Variants in MYOF observed in about 807,000 individuals in gnomAD.
MYOF encodes the protein myoferlin.
MYOF carries 244 observed loss-of-function variants against 284.2 expected under a neutral mutation model. The ratio of observed to expected loss-of-function variants is 0.86; its 90% confidence interval spans 0.77 to 0.95. MYOF has a LOEUF of 0.95. Ranked by LOEUF, MYOF falls within the 40% of genes least tolerant of loss-of-function variation. The pLI is 0.00. For missense variants in MYOF, 2,496 were observed against 2,560.6 expected, an observed-to-expected ratio of 0.97 and a Z score of 0.54; for synonymous variants, 904 against 919.7, an observed-to-expected ratio of 0.98 and a Z score of 0.31.
rs74868087 is a variant in MYOF at position 93,474,510 on chromosome 10, A to G, written c.88+7597T>C. Among the ~76,000 whole-genome samples the G allele has an allele frequency of 1.3e-3, 201 of 152,300 alleles. 2 individuals carry two copies. Among genetic ancestry groups the G allele is most frequent in the African/African-American group, 4.7e-3 (197 of 41,572 alleles). On this transcript the variant is annotated intron_variant, in intron 1 of 53. Transcript: ENST00000359263. ...ACTTTTCATGTCTATTCTGGTTTGC[A>G]TCTCATTCTTGTGTGCTAACTAGTC...
chr10:93,360,640 T>C (rs763576537), intron 28 of MYOF, among the ~76,000 whole-genome samples: 9 of 152,268 alleles, frequency 5.9e-5, no homozygotes, highest in Non-Finnish European at 1.3e-4. Context: ...ATTTTCTCTT[T>C]TGAGAATTCC....
chr10:93,416,667 G>A (rs1048849746), intron 5 of MYOF, among the ~76,000 whole-genome samples: 1 of 145,840 alleles, frequency 6.9e-6, no homozygotes, highest in Non-Finnish European at 1.5e-5. Flanking sequence ...GCATGACCTT[G>A]GCTCACTGCA....
At chr10:93,380,588 C>A (rs1024453171) in intron 20 of MYOF, among the ~76,000 whole-genome samples, 1 of 152,120 alleles carries the variant, frequency 6.6e-6, no homozygotes, top group Non-Finnish European at 1.5e-5. Flanking sequence ...ACTCTCAAAC[C>A]ATTTGTTGAC....
At chr10:93,467,290 A>G (rs1051932625) in intron 1 of MYOF, among the ~76,000 whole-genome samples, 4 of 148,948 alleles carry the variant, frequency 2.7e-5, no homozygotes, top group African/African-American at 7.4e-5. Flanking sequence ...AACATTAGGT[A>G]TATCTCCTAA....
chr10:93,383,501 A>C (rs1173874730), intron 19 of MYOF, among the ~76,000 whole-genome samples: 1 of 152,120 alleles, frequency 6.6e-6, no homozygotes, highest in South Asian at 2.1e-4. Context: ...TGTCACCTTG[A>C]TAAGGGAGGA....
Position 93,381,394 on chromosome 10 carries a change from T to C in MYOF, c.1701A>G (p.Lys567=), listed in dbSNP as rs749718563. 1 of 1,614,136 alleles carries C rather than the reference T, an allele frequency of 6.2e-7. No individual in the cohort carries two copies. Among genetic ancestry groups the C allele is most frequent in the Non-Finnish European group, 8.5e-7 (1 of 1,179,996 alleles). The stretch of plus-strand genomic sequence containing the variant: ...GGCTGTACTTCCGCCTTCGCTGGTA[T>C]TTCTATAAAGTATGAGCAGACATAA... The part of the protein sequence containing the change: ...ISNDDLLVVE[K]YQRRRKYSLS... The change falls in exon 20 of 54, where the codon AAA becomes AAG. Residue 567 remains lysine, a splice_region_variant and synonymous_variant. Transcript: ENST00000359263.
At chr10:93,411,934 T>C (rs1847917029) in intron 5 of MYOF, among the ~76,000 whole-genome samples, 1 of 152,218 alleles carries the variant, frequency 6.6e-6, no homozygotes, top group African/African-American at 2.4e-5. Context: ...TGTGGGCCCC[T>C]GTTTTTGTCT....
At position 93,354,703 on chromosome 10, in the gene MYOF, T is replaced by TCTCTCTCTCTCTCTCTCTCTCTC. The variant is rs1243618498; in HGVS notation, c.3404-816_3404-815insGAGAGAGAGAGAGAGAGAGAGAG. ...TCTCTCTCTCTCTCTCTCTCTCTCT[T>TCTCTCTCTCTCTCTCTCTCTCTC]TGTGAGATAGCAGAGCATTATGATT... is the stretch of plus-strand genomic sequence containing the variant. On this transcript the variant is annotated intron_variant, in intron 31 of 53. Transcript: ENST00000359263. 2.0e-3 allele frequency among the ~76,000 whole-genome samples: 144 copies of TCTCTCTCTCTCTCTCTCTCTCTC among 70,710 alleles called. 5 individuals carry two copies. The highest frequency in any genetic ancestry group is 4.8e-3 in the African/African-American group (131 of 27,362). 46.4% of individuals were successfully genotyped at this position (70,710 alleles called of 152,430 possible). A position where few individuals can be genotyped will look rare whatever the true frequency, so the allele number is the denominator to read the frequency against.
At chr10:93,325,779 C>CT (rs777017154) in intron 46 of MYOF, 47 bp downstream of exon 46, 19 of 1,559,098 alleles carry the variant, frequency 1.2e-5, no homozygotes, top group Middle Eastern at 1.7e-4. Flanking sequence ...ACTGCCATTG[C>CT]ATTTGGGGCA....
chr10:93,416,606 T>A (rs993334997), intron 5 of MYOF, among the ~76,000 whole-genome samples: 5 of 150,824 alleles, frequency 3.3e-5, no homozygotes, highest in African/African-American at 9.7e-5. Context: ...GGCTTTTTTT[T>A]TTTTTTTTTG....
chr10:93,478,619 C>G (rs1423518262), intron 1 of MYOF, among the ~76,000 whole-genome samples: 3 of 151,352 alleles, frequency 2.0e-5, no homozygotes, highest in Admixed American at 6.6e-5. Flanking sequence ...TTGCTTGAGC[C>G]CAAGAGTTCA....
intron 3 of MYOF, among the ~76,000 whole-genome samples, chr10:93,433,775 G>A (rs942333078): frequency 5.9e-5 from 9 of 152,122 alleles, no homozygotes; most frequent in African/African-American, 1.9e-4. Context: ...GAGGTGCTCC[G>A]GGTACGCCAC....
intron 1 of MYOF, among the ~76,000 whole-genome samples, 179 bp from the exon 2 acceptor site, chr10:93,457,116 G>A (rs1223216737): frequency 6.6e-6 from 1 of 152,058 alleles, no homozygotes; most frequent in Non-Finnish European, 1.5e-5. Flanking sequence ...GCATTTTTTG[G>A]TCTACAAGGT....
intron 3 of MYOF, among the ~76,000 whole-genome samples, chr10:93,451,392 T>G (rs1413405336): frequency 3.9e-5 from 6 of 152,128 alleles, no homozygotes; most frequent in Non-Finnish European, 8.8e-5. Context: ...AACATACGAC[T>G]GGGTCTACAA....
rs188348919 is a variant in MYOF at position 93,326,470 on chromosome 10, C to T, written c.5132-505G>A. On this transcript the variant is annotated intron_variant, in intron 45 of 53. Transcript: ENST00000359263. ...ACTTAAGAACTGCAGAGCTAGAAGA[C>T]GGCAGGGACCTGGGTTCATGGAGCA... is the stretch of plus-strand genomic sequence containing the variant. Among the ~76,000 whole-genome samples, 23 of 152,342 alleles carry T rather than the reference C, an allele frequency of 1.5e-4. 1 individual carries two copies. The highest frequency in any genetic ancestry group is 4.8e-4 in the African/African-American group (20 of 41,580).
At chr10:93,410,522 C>G (rs1191964438) in intron 5 of MYOF, among the ~76,000 whole-genome samples, 1 of 152,194 alleles carries the variant, frequency 6.6e-6, no homozygotes, top group East Asian at 1.9e-4. Flanking sequence ...GGTTCCGTCT[C>G]TATTGCAGCT....
At chr10:93,393,212 GAGCT>G (rs1331943408) in intron 16 of MYOF, among the ~76,000 whole-genome samples, 1 of 152,212 alleles carries the variant, frequency 6.6e-6, no homozygotes, top group Non-Finnish European at 1.5e-5. Flanking sequence ...GGAAGCAGAA[GAGCT>G]AGCTTCCCGG....
At chr10:93,342,105 C>A (rs1252631852) in intron 38 of MYOF, 1 of 468,858 alleles carries the variant, frequency 2.1e-6, no homozygotes, top group Non-Finnish European at 3.6e-6. Context: ...TTAAGAATTT[C>A]CATGGACATC....
At chr10:93,307,446 G>A (rs374830928) in intron 53 of MYOF, among the ~76,000 whole-genome samples, 113 of 151,896 alleles carry the variant, frequency 7.4e-4, no homozygotes, top group African/African-American at 2.6e-3. Flanking sequence ...GACTACAGGC[G>A]CCTGCCACCA....
Sources: gnomAD v4.1 joint callset for allele counts (sites outside exome capture counted in the v4.1 genomes callset) on GRCh38, gnomAD v4.1.1 for gene constraint, MANE v1.5 for transcripts, NCBI Gene and HGNC (gene_info 2026-07-23, HGNC 2026-07-21) for gene names.